Variants in CNTN4 observed in about 807,000 individuals in gnomAD.
CNTN4 encodes the protein contactin-4.
A neutral mutation model predicts 122.5 loss-of-function variants in CNTN4; 77 were observed. The ratio of observed to expected loss-of-function variants is 0.63; its 90% CI spans 0.52 to 0.76. The LOEUF (loss-of-function observed/expected upper bound fraction) is 0.76. CNTN4 is among the 30% of genes least tolerant of loss of function. CNTN4 has a pLI of 0.00. For missense variants in CNTN4, 1,256 were observed against 1,259.1 expected (o/e 1.00, Z 0.04); for synonymous variants, 512 against 447.0 (o/e 1.15, Z -1.83).
chr3:2,491,852 G>A (rs1045100952), intron 3 of CNTN4, among the ~76,000 whole-genome samples: 4 of 152,110 alleles, frequency 2.6e-5, no homozygotes, highest in African/African-American at 4.8e-5. Flanking sequence ...TGGTTTTATT[G>A]CAGTCTGGTG....
At chr3:2,928,859 C>A (rs578183144) in intron 13 of CNTN4, among the ~76,000 whole-genome samples, 1 of 152,168 alleles carries the variant, frequency 6.6e-6, no homozygotes, top group Non-Finnish European at 1.5e-5. Flanking sequence ...GGTTTTGTCT[C>A]ATCTAACCAT....
At chr3:2,136,979 A>G (rs771312213) in intron 2 of CNTN4, among the ~76,000 whole-genome samples, 2 of 152,224 alleles carry the variant, frequency 1.3e-5, no homozygotes, top group African/African-American at 2.4e-5. Context: ...CGAAGAAAAC[A>G]ACCCACCGTT....
At chr3:2,265,814 AT>A (rs1027290048) in intron 2 of CNTN4, among the ~76,000 whole-genome samples, 26 of 150,054 alleles carry the variant, frequency 1.7e-4, no homozygotes, top group African/African-American at 5.6e-4. Flanking sequence ...GATTCCTAGA[AT>A]TTTTTTTGTA....
chr3:2,720,016 A>G (rs548170911), intron 4 of CNTN4, among the ~76,000 whole-genome samples: 8 of 152,134 alleles, frequency 5.3e-5, no homozygotes, highest in Admixed American at 2.0e-4. Flanking sequence ...CTGGGGAACA[A>G]TGACCACATT....
At chr3:2,185,580 C>T (rs2037214848) in intron 2 of CNTN4, among the ~76,000 whole-genome samples, 2 of 152,068 alleles carry the variant, frequency 1.3e-5, no homozygotes, top group Non-Finnish European at 1.5e-5. Context: ...AGGCTGTGAG[C>T]CATTAGCAAA....
At chr3:2,504,039 G>T (rs1360970565) in intron 3 of CNTN4, among the ~76,000 whole-genome samples, 1 of 151,694 alleles carries the variant, frequency 6.6e-6, no homozygotes, top group Non-Finnish European at 1.5e-5. Context: ...ATTTCCAGGT[G>T]AAAAATGCTA....
intron 2 of CNTN4, among the ~76,000 whole-genome samples, chr3:2,244,704 A>G (rs1237334776): frequency 6.6e-6 from 1 of 152,064 alleles, no homozygotes; most frequent in Non-Finnish European, 1.5e-5. Flanking sequence ...AATTATGATT[A>G]TCCAGAGAAT....
chr3:2,848,023 C>G lies in CNTN4; in HGVS notation c.455-18729C>G, dbSNP rs143033176. The stretch of plus-strand genomic sequence containing the variant: ...CCTGTAATCCCAACACTTCGGGAGG[C>G]TGAGGCAGGAGGACTGCCTGAACCC... On this transcript the variant is annotated intron_variant, in intron 7 of 24. Coordinates refer to ENST00000418658, the MANE Select transcript of CNTN4 (RefSeq NM_175607.3). 5.3e-3 allele frequency among the ~76,000 whole-genome samples: 805 copies of G among 152,232 alleles called. 17 individuals carry two copies. Among genetic ancestry groups the G allele is most frequent in the Non-Finnish European group, 3.7e-3 (250 of 68,004 alleles).
chr3:2,810,640 C>G (rs371835991), intron 6 of CNTN4, among the ~76,000 whole-genome samples: 2 of 152,230 alleles, frequency 1.3e-5, no homozygotes, highest in African/African-American at 4.8e-5. Flanking sequence ...TTAAATTTTC[C>G]TTTGATTCTT....
intron 4 of CNTN4, among the ~76,000 whole-genome samples, chr3:2,699,165 C>A (rs1000169147): frequency 6.6e-6 from 1 of 152,132 alleles, no homozygotes; most frequent in Non-Finnish European, 1.5e-5. Context: ...TCACTCAGCC[C>A]TAAAATACAC....
chr3:2,163,722 C>T (rs962335783), intron 2 of CNTN4, among the ~76,000 whole-genome samples: 1 of 151,572 alleles, frequency 6.6e-6, no homozygotes, highest in Admixed American at 6.6e-5. Context: ...GATACACAAA[C>T]AGCCAATAAA....
chr3:2,866,558 C>A, intron 7 of CNTN4, 194 bp from the exon 8 acceptor site: 1 of 1,236,830 alleles, frequency 8.1e-7, no homozygotes, highest in Non-Finnish European at 1.1e-6. Context: ...GAAATAAAAC[C>A]TTATTGACTG....
chr3:2,300,716 C>A (rs796998793), intron 2 of CNTN4, among the ~76,000 whole-genome samples: 1 of 151,518 alleles, frequency 6.6e-6, no homozygotes, highest in Non-Finnish European at 1.5e-5. Flanking sequence ...GGATCACAGG[C>A]GCGCGCCACC....
intron 4 of CNTN4, among the ~76,000 whole-genome samples, chr3:2,669,478 C>T (rs983467608): frequency 1.3e-5 from 2 of 152,084 alleles, no homozygotes; most frequent in African/African-American, 4.8e-5. Context: ...TGATTCTTCT[C>T]TCTTTTCTTC....
intron 3 of CNTN4, among the ~76,000 whole-genome samples, chr3:2,555,954 G>A (rs916203736): frequency 4.6e-5 from 7 of 152,098 alleles, no homozygotes; most frequent in African/African-American, 1.4e-4. Context: ...TATTACCCCA[G>A]GTTCATCCCT....
chr3:2,451,894 C>G (rs971785407), intron 3 of CNTN4, among the ~76,000 whole-genome samples: 3 of 152,100 alleles, frequency 2.0e-5, no homozygotes, highest in African/African-American at 7.2e-5. Context: ...TTATCTCTTT[C>G]CCTCACATTC....
At chr3:2,605,110 G>A (rs2081203362) in intron 4 of CNTN4, among the ~76,000 whole-genome samples, 1 of 152,158 alleles carries the variant, frequency 6.6e-6, no homozygotes, top group Admixed American at 6.5e-5. Flanking sequence ...GAGCTCAAGT[G>A]ATCCTTCCAC....
chr3:2,702,601 G>A (rs1417449592), intron 4 of CNTN4, among the ~76,000 whole-genome samples: 1 of 152,186 alleles, frequency 6.6e-6, no homozygotes, highest in African/African-American at 2.4e-5. Context: ...AAGGTGTGAG[G>A]GTTAGGATAG....
At chr3:2,613,979 T>A (rs2081606776) in intron 4 of CNTN4, among the ~76,000 whole-genome samples, 1 of 152,080 alleles carries the variant, frequency 6.6e-6, no homozygotes, top group African/African-American at 2.4e-5. Context: ...GATACAGTAA[T>A]GAATGAGATA....
Sources: allele counts gnomAD v4.1 joint callset (sites outside exome capture counted in the v4.1 genomes callset), GRCh38; gene constraint gnomAD v4.1.1; transcripts MANE v1.5; gene names NCBI Gene and HGNC (gene_info 2026-07-23, HGNC 2026-07-21).